Variants in AOPEP observed in about 807,000 individuals in gnomAD.
AOPEP encodes aminopeptidase O.
A neutral mutation model predicts 98.1 loss-of-function variants in AOPEP; 77 were observed. The observed-to-expected ratio is 0.78, with a 90% CI of 0.65 to 0.95. AOPEP has a LOEUF of 0.95. Among genes scored for constraint, AOPEP ranks in the 40% least tolerant of loss-of-function variants. The pLI, the probability that AOPEP is intolerant of heterozygous loss-of-function variation, is 0.00. For missense variants in AOPEP, 1,024 were observed against 1,024.7 expected (o/e 1.00, Z 0.01); for synonymous variants, 346 against 365.3 (o/e 0.95, Z 0.60).
At chr9:94,831,646 G>C (rs776187134) in intron 5 of AOPEP, among the ~76,000 whole-genome samples, 14 of 152,096 alleles carry the variant, frequency 9.2e-5, no homozygotes, top group African/African-American at 1.4e-4. Context: ...ACTTTGGTCA[G>C]TATGGCCATC....
At chr9:94,815,537 A>G (rs981510789) in intron 5 of AOPEP, among the ~76,000 whole-genome samples, 1 of 151,950 alleles carries the variant, frequency 6.6e-6, no homozygotes, top group Non-Finnish European at 1.5e-5. Flanking sequence ...GGCCTCAGTT[A>G]TGGCCATTAT....
chr9:95,019,609 T>C (rs533742781), intron 13 of AOPEP: 2 of 152,326 alleles, frequency 1.3e-5, no homozygotes, highest in South Asian at 4.1e-4. Context: ...ACAGTTGCAG[T>C]GTTGCAGTGT....
rs539386016 is a variant in AOPEP at position 94,907,229 on chromosome 9, A to G, written c.1365-16757A>G. The stretch of plus-strand genomic sequence containing the variant: ...ATCACCGTATTTTAAAATCAGACAC[A>G]TTGGTTTCCTGCAGACACAGGGAAG... On this transcript the variant is annotated intron_variant, in intron 5 of 16. Transcript: ENST00000375315. 7.2e-5 allele frequency among the ~76,000 whole-genome samples: 11 copies of G among 152,230 alleles called. No homozygotes were observed. In the East Asian group the frequency reaches 2.1e-3, roughly 29 times the overall value.
chr9:94,736,123 C>T (rs1190464084), intron 1 of AOPEP, among the ~76,000 whole-genome samples: 1 of 152,058 alleles, frequency 6.6e-6, no homozygotes, highest in Non-Finnish European at 1.5e-5. Context: ...ACAATATTAA[C>T]TATATCTGGG....
chr9:94,929,411 C>G (rs1360416619), intron 7 of AOPEP, among the ~76,000 whole-genome samples: 2 of 152,232 alleles, frequency 1.3e-5, no homozygotes, highest in East Asian at 3.9e-4. Flanking sequence ...TGACTGAAGC[C>G]TAACGCAAAT....
At chr9:95,031,715 G>C (rs2064320073) in intron 13 of AOPEP, among the ~76,000 whole-genome samples, 2 of 152,154 alleles carry the variant, frequency 1.3e-5, no homozygotes, top group African/African-American at 2.4e-5. Context: ...CTCCGGGTAG[G>C]GGGGAATTAA....
intron 13 of AOPEP, among the ~76,000 whole-genome samples, chr9:95,007,091 G>A (rs1380429072): frequency 2.0e-5 from 3 of 151,894 alleles, no homozygotes; most frequent in Non-Finnish European, 4.4e-5. Flanking sequence ...TAGTAGAGAC[G>A]GGGTTTCACT....
chr9:94,771,300 C>A (rs906255036), intron 2 of AOPEP, among the ~76,000 whole-genome samples: 1 of 152,130 alleles, frequency 6.6e-6, no homozygotes, highest in African/African-American at 2.4e-5. Context: ...GAAGTCACTA[C>A]CTGCTCCCCG....
the AOPEP span, among the ~76,000 whole-genome samples, chr9:95,118,857 T>C: frequency 6.6e-6 from 1 of 152,242 alleles, no homozygotes; most frequent in Non-Finnish European, 1.5e-5. Flanking sequence ...GGGGCTGTCA[T>C]GAATAAAGCT....
rs940860648 is a variant in AOPEP at position 94,930,670 on chromosome 9, C to G, written c.1661+2139C>G. 3.3e-5 allele frequency among the ~76,000 whole-genome samples: 5 copies of G among 151,706 alleles called. No individual in the cohort carries two copies. The highest frequency in any genetic ancestry group is 3.3e-4 in the Admixed American group (5 of 15,242). On this transcript the variant is annotated intron_variant, in intron 7 of 16. Transcript: ENST00000375315. The surrounding 1 kb of genome is among the most constrained non-coding windows in gnomAD (Gnocchi z 4.5). ...AAGCCAGAAAAGAAGCTGAGGCAAGCAGGTGGGAGTGGCTGATGTTGGAAG... is the reference window on the plus strand; with the variant it reads ...AAGCCAGAAAAGAAGCTGAGGCAAGGAGGTGGGAGTGGCTGATGTTGGAAG...
At chr9:95,099,830 A>G in the AOPEP span, 2 of 232,838 alleles carry the variant, frequency 8.6e-6, no homozygotes, top group East Asian at 6.1e-5. Context: ...CAGGCTAGGA[A>G]GAAGTCTTCC....
rs995332670 is a variant in AOPEP at position 95,076,983 on chromosome 9, C to T, written c.2233-3711C>T. Among the ~76,000 whole-genome samples, 9 of 152,202 alleles carry T rather than the reference C, an allele frequency of 5.9e-5. No homozygotes were observed. The East Asian group carries it at 1.3e-3, about 23-fold the overall frequency. On this transcript the variant is annotated intron_variant, in intron 14 of 16. Transcript: ENST00000375315. ...AATTTCAGATTTAAAGTTCAGATCT[C>T]CAGTGCAGGTACCTTGTGGCTGGGG... is the stretch of plus-strand genomic sequence containing the variant.
At chr9:94,975,433 G>A (rs1326228697) in intron 10 of AOPEP, among the ~76,000 whole-genome samples, 2 of 152,172 alleles carry the variant, frequency 1.3e-5, no homozygotes, top group Admixed American at 6.5e-5. Context: ...CGGTAGAATA[G>A]TGTCTGTGTG....
Position 94,763,797 on chromosome 9 carries a change from A to C in AOPEP, c.797+3217A>C, listed in dbSNP as rs73654274. 6.4e-3 allele frequency among the ~76,000 whole-genome samples: 975 copies of C among 152,336 alleles called. 5 individuals are homozygous for C. Among genetic ancestry groups the C allele is most frequent in the African/African-American group, 0.023 (941 of 41,570 alleles). On this transcript the variant is annotated intron_variant, in intron 2 of 16. Coordinates refer to ENST00000375315, the MANE Select transcript of AOPEP (RefSeq NM_001193329.3). ...CTCATGCCCCAAGCCAAGCAACAAA[A>C]CATATCAAGTAGTTTCGAATGACAT...
At chr9:94,985,268 C>T (rs1177661473) in intron 11 of AOPEP, among the ~76,000 whole-genome samples, 1 of 152,258 alleles carries the variant, frequency 6.6e-6, no homozygotes, top group East Asian at 1.9e-4. Context: ...GTTATTTTGT[C>T]ATCTTGGGAA....
intron 13 of AOPEP, among the ~76,000 whole-genome samples, chr9:95,056,772 G>A (rs2066860396): frequency 6.6e-6 from 1 of 152,176 alleles, no homozygotes; most frequent in Non-Finnish European, 1.5e-5. Context: ...GCAACTATGA[G>A]ATCTTCCATG....
intron 13 of AOPEP, among the ~76,000 whole-genome samples, chr9:95,030,271 C>T (rs1302464987): frequency 1.3e-5 from 2 of 151,968 alleles, no homozygotes; most frequent in Non-Finnish European, 2.9e-5. Context: ...AGAATGGGAG[C>T]GTGTTATATA....
chr9:95,025,307 TC>T (rs1432917693), intron 13 of AOPEP, among the ~76,000 whole-genome samples: 1 of 152,194 alleles, frequency 6.6e-6, no homozygotes, highest in Non-Finnish European at 1.5e-5. Context: ...TATGCTGGTG[TC>T]CCCCTACTCC....
At chr9:95,093,671 C>G in the AOPEP span, among the ~76,000 whole-genome samples, 1 of 152,202 alleles carries the variant, frequency 6.6e-6, no homozygotes. Flanking sequence ...CCGTCTCCAC[C>G]CTGGCGCCGG....
Sources: allele counts gnomAD v4.1 joint callset (sites outside exome capture counted in the v4.1 genomes callset), GRCh38; gene constraint gnomAD v4.1.1; non-coding constraint Gnocchi (gnomAD v3.1); transcripts MANE v1.5; gene names NCBI Gene and HGNC (gene_info 2026-07-23, HGNC 2026-07-21).